ATP11A: variants seen among roughly 807,000 people sequenced by gnomAD.
ATP11A encodes ATPase phospholipid transporting 11A, also known as phospholipid-transporting ATPase IH.
A neutral mutation model predicts 154.4 loss-of-function variants in ATP11A; 81 were observed. That is an observed-to-expected ratio of 0.52 (90% CI 0.44 to 0.63). The LOEUF is 0.63. ATP11A is among the 30% of genes least tolerant of loss of function. The probability of loss-of-function intolerance (pLI) is 0.00; values close to 1 mark genes in which losing one functional copy is unlikely to be tolerated. For synonymous variants in ATP11A, 623 were observed against 585.9 expected (o/e 1.06, Z -0.91); for missense variants, 1,316 against 1,474.3 (o/e 0.89, Z 1.76).
At chr13:112,726,348 T>G (rs941518817) in intron 1 of ATP11A, among the ~76,000 whole-genome samples, 2 of 149,750 alleles carry the variant, frequency 1.3e-5, no homozygotes, top group Admixed American at 1.3e-4. Flanking sequence ...GGGCACTGCA[T>G]GCGTGCAGGG....
rs2079137654 is a variant in ATP11A, at chr13:112,832,969, G to A, written c.1505G>A (p.Cys502Tyr). 4 of 1,613,892 alleles carry A rather than the reference G, an allele frequency of 2.5e-6. No individual in the cohort carries two copies. Among genetic ancestry groups the A allele is most frequent in the Non-Finnish European group, 3.4e-6 (4 of 1,179,916 alleles). ...AAATCGCCGGACGGGGGGAAATCCT[G>A]TGTGTACATCTCATCCTCGCCCGAC... ...PRKSPDGGKS[C>Y]VYISSSPDEV... Residue 502 changes from cysteine (C) to tyrosine (Y), a missense_variant, in exon 14 of 30, where the codon TGT (cysteine) becomes TAT (tyrosine). This residue lies in a region of ATP11A where 876 missense variants were observed against 1,006.8 expected (regional missense o/e 0.87). Transcript: ENST00000375645.
chr13:112,806,567 C>A (rs976740430), intron 4 of ATP11A, among the ~76,000 whole-genome samples: 1 of 152,168 alleles, frequency 6.6e-6, no homozygotes, highest in Non-Finnish European at 1.5e-5. Context: ...TCAGATGAGT[C>A]ACTTAACCTT....
intron 24 of ATP11A, among the ~76,000 whole-genome samples, chr13:112,861,310 A>C (rs2080097309): frequency 6.6e-6 from 1 of 152,110 alleles, no homozygotes; most frequent in South Asian, 2.1e-4. Flanking sequence ...TTAAAATTTT[A>C]TTTTTCAGAT....
chr13:112,845,708 A>G (rs2079576806), intron 17 of ATP11A, among the ~76,000 whole-genome samples: 1 of 124,316 alleles, frequency 8.0e-6, no homozygotes, highest in African/African-American at 3.8e-5. Context: ...TGCTGGCACT[A>G]GCGGTACTAA....
rs35687422 is a variant in ATP11A at position 112,702,345 on chromosome 13, C to CAAAAA, written c.39+11903_39+11907dup. On this transcript the variant is annotated intron_variant, in intron 1 of 29. Transcript: ENST00000375645. ...TGGGCAACACAGTGAGATTCTGTCT[C>CAAAAA]AAAAAAAAAAAAAAAAAGAAACCAC... 1.2e-4 allele frequency among the ~76,000 whole-genome samples: 15 copies of CAAAAA among 121,706 alleles called. No homozygotes were observed. The East Asian group carries it at 1.3e-3, about 10-fold the overall frequency. 79.8% of individuals were successfully genotyped at this position (121,706 alleles called of 152,430 possible). A position where few individuals can be genotyped will look rare whatever the true frequency, so the allele number is the denominator to read the frequency against.
At chr13:112,760,247 T>C (rs2076933506) in intron 1 of ATP11A, among the ~76,000 whole-genome samples, 1 of 152,220 alleles carries the variant, frequency 6.6e-6, no homozygotes, top group African/African-American at 2.4e-5. Context: ...GTAGTACAGT[T>C]GAGGAAGGGG....
rs141701508 is a variant in ATP11A, at chr13:112,726,899, A to G, written c.39+36444A>G. Among the ~76,000 whole-genome samples the G allele has an allele frequency of 2.6e-3, 399 of 152,342 alleles. 5 individuals are homozygous for G. The East Asian group carries it at 0.03, about 12-fold the overall frequency. On this transcript the variant is annotated intron_variant, in intron 1 of 29. Coordinates refer to ENST00000375645, the MANE Select transcript of ATP11A (RefSeq NM_015205.3). ...ATTGTAAAGACATCTTCCTTGGGACATGGATAATAGGGAAAAATCTCACAG... is the reference window on the plus strand; with the variant it reads ...ATTGTAAAGACATCTTCCTTGGGACGTGGATAATAGGGAAAAATCTCACAG...
intron 14 of ATP11A, among the ~76,000 whole-genome samples, chr13:112,833,966 C>CCGCGAAGCA (rs1164075557): frequency 2.0e-5 from 3 of 152,262 alleles, no homozygotes; most frequent in African/African-American, 7.2e-5. Context: ...CCCCCTGGTG[C>CCGCGAAGCA]CGCGAAGCAC....
intron 16 of ATP11A, 30 bp downstream of exon 16, chr13:112,836,281 A>C (rs1207492965): frequency 7.1e-7 from 1 of 1,414,418 alleles, no homozygotes; most frequent in Non-Finnish European, 1.0e-6. Flanking sequence ...TGATTTATTA[A>C]GTTATACGTG....
intron 1 of ATP11A, among the ~76,000 whole-genome samples, chr13:112,742,735 G>A (rs1303073448): frequency 2.0e-5 from 3 of 152,140 alleles, no homozygotes; most frequent in East Asian, 1.9e-4. Context: ...GTGCCTCCCC[G>A]CAGTGTGGCT....
intron 1 of ATP11A, among the ~76,000 whole-genome samples, chr13:112,779,260 G>A (rs2077435686): frequency 6.8e-6 from 1 of 146,132 alleles, no homozygotes; most frequent in African/African-American, 2.6e-5. Flanking sequence ...CTGGAGTGAG[G>A]AGTAGCCGCT....
chr13:112,778,608 T>C (rs444448), intron 1 of ATP11A, among the ~76,000 whole-genome samples: 1 of 99,854 alleles, frequency 1.0e-5, no homozygotes, highest in Non-Finnish European at 2.1e-5. Context: ...AGCCGCTGGT[T>C]TGAGGAGTAG....
At chr13:112,843,819 G>A (rs954450325) in intron 17 of ATP11A, among the ~76,000 whole-genome samples, 2 of 152,164 alleles carry the variant, frequency 1.3e-5, no homozygotes, top group Non-Finnish European at 2.9e-5. Flanking sequence ...GTCGACGTGC[G>A]GATCATCATC....
At chr13:112,763,052 C>G (rs577492360) in intron 1 of ATP11A, among the ~76,000 whole-genome samples, 1 of 152,346 alleles carries the variant, frequency 6.6e-6, no homozygotes, top group South Asian at 2.1e-4. Flanking sequence ...CTGAGCAGCC[C>G]TGCGCGGTGG....
At position 112,864,925 on chromosome 13, in the gene ATP11A, A is replaced by C. The variant is rs1307115917; in HGVS notation, c.2991+2350A>C. 4.2e-3 allele frequency among the ~76,000 whole-genome samples: 257 copies of C among 61,730 alleles called. 16 individuals are homozygous for C. Among genetic ancestry groups the C allele is most frequent in the Middle Eastern group, 0.024 (2 of 84 alleles). 40.5% of individuals were successfully genotyped at this position (61,730 alleles called of 152,430 possible). On this transcript the variant is annotated intron_variant, in intron 25 of 29. Coordinates refer to ENST00000375645, the MANE Select transcript of ATP11A (RefSeq NM_015205.3). ...CAGCGGGGTCCATCACCACCTGCGC[A>C]GTAATTCAGTGCGGCCCATGCAGCT...
At chr13:112,766,504 C>T (rs1001428791) in intron 1 of ATP11A, among the ~76,000 whole-genome samples, 22 of 152,138 alleles carry the variant, frequency 1.4e-4, no homozygotes, top group Non-Finnish European at 2.4e-4. Flanking sequence ...CCAGAAGGTG[C>T]GTCCCGGCTG....
Position 112,736,155 on chromosome 13 carries a change from G to A in ATP11A, c.39+45700G>A, listed in dbSNP as rs80045870. ...TGAGGGTAGCATGGACAGAGGGTGA[G>A]AACTCGAGCCCTGATCCAACCACAC... On this transcript the variant is annotated intron_variant, in intron 1 of 29. Transcript: ENST00000375645. 1.6e-4 allele frequency among the ~76,000 whole-genome samples: 24 copies of A among 152,332 alleles called. No homozygotes were observed. In the East Asian group the frequency reaches 4.6e-3, roughly 29 times the overall value.
rs1140048 is a variant in ATP11A at position 112,885,374 on chromosome 13, A to C, written c.*3508A>C. 0.23 allele frequency: 35,105 copies of C among 152,270 alleles called. 4,329 individuals carry two copies. Among genetic ancestry groups the C allele is most frequent in the Admixed American group, 0.28 (4,283 of 15,292 alleles). The allele number at this position is 152,270 out of a possible 1,614,324, so 9.4% of individuals were successfully genotyped here. On this transcript the variant is annotated 3_prime_UTR_variant, in exon 30 of 30. Transcript: ENST00000375645. ...CACACGCACACGTACATTCACTACA[A>C]ACGTGCAGCCTCCTGCACACGTGCA...
chr13:112,788,981 C>T (rs2077746583), intron 2 of ATP11A, among the ~76,000 whole-genome samples: 2 of 151,884 alleles, frequency 1.3e-5, no homozygotes, highest in African/African-American at 4.8e-5. Context: ...GTGTAGACTC[C>T]TATGTAGACA....
Sources: allele counts gnomAD v4.1 joint callset (sites outside exome capture counted in the v4.1 genomes callset), GRCh38; gene constraint gnomAD v4.1.1; regional missense constraint gnomAD v4.1.1; transcripts MANE v1.5; gene names NCBI Gene and HGNC (gene_info 2026-07-23, HGNC 2026-07-21).